The following RECK variants were observed in gnomAD, a reference collection of about 807,000 sequenced individuals.
The protein encoded by RECK is reversion inducing cysteine rich protein with kazal motifs, also known as reversion-inducing cysteine-rich protein with Kazal motifs.
RECK carries 69 observed loss-of-function variants against 115.1 expected under a neutral mutation model. The ratio of observed to expected loss-of-function variants is 0.60; its 90% CI spans 0.49 to 0.73. The LOEUF is 0.73. Among genes scored for constraint, RECK ranks in the 30% least tolerant of loss-of-function variants. The pLI is 0.00. For missense variants in RECK, 1,047 were observed against 1,203.7 expected (o/e 0.87, Z 1.93); for synonymous variants, 414 against 419.7 (o/e 0.99, Z 0.17).
At chr9:36,119,012 T>C in intron 18 of RECK, 45 bp downstream of exon 18, 1 of 1,567,558 alleles carries the variant, frequency 6.4e-7, no homozygotes, top group Non-Finnish European at 8.8e-7. Context: ...CTGAGAAGAT[T>C]TGCTTATCCA....
chr9:36,122,248 C>G (rs895184742), intron 20 of RECK, among the ~76,000 whole-genome samples: 2 of 152,206 alleles, frequency 1.3e-5, no homozygotes, highest in Admixed American at 1.3e-4. Context: ...GGAACGAAGG[C>G]AAGCAGTCTG....
chr9:36,065,483 A>T, intron 5 of RECK, 94 bp from the exon 6 acceptor site: 2 of 863,812 alleles, frequency 2.3e-6, no homozygotes, highest in Non-Finnish European at 3.4e-6. Context: ...AAAGGATACT[A>T]TATCAGTAAT....
intron 8 of RECK, among the ~76,000 whole-genome samples, chr9:36,084,502 C>G (rs1316951753): frequency 1.3e-5 from 2 of 152,034 alleles, no homozygotes; most frequent in Non-Finnish European, 2.9e-5. Context: ...CAAGAACAAC[C>G]TGACCAACAT....
chr9:36,042,443 TG>T (rs2132546611), intron 1 of RECK, among the ~76,000 whole-genome samples: 1 of 152,136 alleles, frequency 6.6e-6, no homozygotes, highest in Admixed American at 6.5e-5. Flanking sequence ...TGTGTGTGTG[TG>T]TGTGTGTGTG....
At chr9:36,063,909 A>G (rs187702091) in intron 5 of RECK, 29 bp downstream of exon 5, 3 of 1,599,848 alleles carry the variant, frequency 1.9e-6, no homozygotes, top group East Asian at 2.2e-5. Flanking sequence ...GCTCTCAAAC[A>G]TCATGGAGTG....
intron 1 of RECK, among the ~76,000 whole-genome samples, chr9:36,049,686 A>C: frequency 6.6e-6 from 1 of 152,202 alleles, no homozygotes; most frequent in East Asian, 1.9e-4. Flanking sequence ...CCGGTGATTT[A>C]GAGTCTCCCT....
chr9:36,097,293 A>T (rs1823387539), intron 10 of RECK, among the ~76,000 whole-genome samples: 1 of 148,762 alleles, frequency 6.7e-6, no homozygotes, highest in South Asian at 2.1e-4. Flanking sequence ...GCGCCACTGC[A>T]CTCCAGCCTG....
chr9:36,069,480 C>CAAAAAAAAA (rs60192603), intron 6 of RECK, among the ~76,000 whole-genome samples: 1 of 84,930 alleles, frequency 1.2e-5, no homozygotes, highest in African/African-American at 3.2e-5. Context: ...GTGGAGGTTG[C>CAAAAAAAAA]AAAAAAAAAA....
chr9:36,048,406 A>C (rs1419442754), intron 1 of RECK, among the ~76,000 whole-genome samples: 1 of 151,762 alleles, frequency 6.6e-6, no homozygotes, highest in Non-Finnish European at 1.5e-5. Flanking sequence ...CTAATTTGAC[A>C]TTTCTTTCTC....
At chr9:36,052,457 AC>A (rs1367651399) in intron 2 of RECK, 134 bp downstream of exon 2, 2 of 563,686 alleles carry the variant, frequency 3.5e-6, no homozygotes, top group Admixed American at 5.8e-5. Flanking sequence ...ACATAGCAAG[AC>A]CCCTGTCTCT....
At chr9:36,088,005 A>G (rs761651109) in intron 9 of RECK, 44 bp downstream of exon 9, 7 of 1,442,922 alleles carry the variant, frequency 4.9e-6, no homozygotes, top group Non-Finnish European at 5.8e-6. Context: ...AGAAAATGGC[A>G]TTTTAATTAA....
At chr9:36,078,520 C>G (rs879720551) in intron 6 of RECK, among the ~76,000 whole-genome samples, 5 of 152,208 alleles carry the variant, frequency 3.3e-5, no homozygotes, top group Admixed American at 2.0e-4. Context: ...TGCCTGGCCT[C>G]TACTCACCAG....
intron 6 of RECK, among the ~76,000 whole-genome samples, chr9:36,068,956 G>T (rs2132598236): frequency 6.6e-6 from 1 of 152,250 alleles, no homozygotes; most frequent in South Asian, 2.1e-4. Flanking sequence ...AAGTGGTTCT[G>T]AAATGGTAGT....
At chr9:36,081,180 G>C (rs1822672866) in intron 7 of RECK, among the ~76,000 whole-genome samples, 2 of 152,184 alleles carry the variant, frequency 1.3e-5, no homozygotes. Context: ...GGAGATTGGA[G>C]GAAGGGCTTA....
At chr9:36,117,311 C>T (rs1227047738) in intron 17 of RECK, 134 bp downstream of exon 17, 1 of 657,732 alleles carries the variant, frequency 1.5e-6, no homozygotes, top group Non-Finnish European at 2.5e-6. Flanking sequence ...CCCAGTCCTC[C>T]ACTAAAAAGG....
chr9:36,083,614 G>A (rs370301852), intron 8 of RECK, 52 bp downstream of exon 8: 38 of 1,547,952 alleles, frequency 2.5e-5, no homozygotes, highest in Middle Eastern at 2.0e-4. Context: ...AAAATCGTTT[G>A]TAAAAAGAAG....
Position 36,116,968 on chromosome 9 carries a change from G to A in RECK, c.2061-17G>A. The A allele has an allele frequency of 5.0e-6, 8 of 1,596,036 alleles. No individual in the cohort carries two copies. Among genetic ancestry groups the A allele is most frequent in the Non-Finnish European group, 6.0e-6 (7 of 1,168,284 alleles). ...CCTCCCTACATTGGCTCATGGTGCTGCATTCGTCTTTTTCAGGTGCATACC... is the reference window on the plus strand; with the variant it reads ...CCTCCCTACATTGGCTCATGGTGCTACATTCGTCTTTTTCAGGTGCATACC... On this transcript the variant is annotated splice_polypyrimidine_tract_variant and intron_variant, in intron 16 of 20. Transcript: ENST00000377966.
At chr9:36,042,032 T>C (rs144038705) in intron 1 of RECK, among the ~76,000 whole-genome samples, 1,892 of 152,274 alleles carry the variant, frequency 0.012, 15 homozygotes, top group Admixed American at 0.03. Flanking sequence ...TTTTTTCCTG[T>C]TAAAAAGACA....
chr9:36,066,259 C>T (rs527523136), intron 6 of RECK, among the ~76,000 whole-genome samples: 2 of 152,206 alleles, frequency 1.3e-5, no homozygotes, highest in South Asian at 2.1e-4. Context: ...AAAAAACCTC[C>T]TCATTGGGGC....
Sources: gnomAD v4.1 joint callset for allele counts (sites outside exome capture counted in the v4.1 genomes callset) on GRCh38, gnomAD v4.1.1 for gene constraint, MANE v1.5 for transcripts, NCBI Gene and HGNC (gene_info 2026-07-23, HGNC 2026-07-21) for gene names.